The following LRRC49 variants were observed in gnomAD, a reference collection of about 807,000 sequenced individuals.
The protein encoded by LRRC49 is leucine-rich repeat-containing protein 49.
LRRC49 carries 50 observed loss-of-function variants against 83.3 expected under a neutral mutation model. The observed-to-expected ratio is 0.60, with a 90% CI of 0.48 to 0.76. The LOEUF is 0.76. Ranked by LOEUF, LRRC49 falls within the 30% of genes least tolerant of loss-of-function variation. The probability of loss-of-function intolerance (pLI) is 0.00; values close to 1 mark genes in which losing one functional copy is unlikely to be tolerated. For synonymous variants in LRRC49, 286 were observed against 283.3 expected, an observed-to-expected ratio of 1.01 and a Z score of -0.10; for missense variants, 704 against 809.1, an observed-to-expected ratio of 0.87 and a Z score of 1.58.
At chr15:70,884,666 A>G (rs1358085887) in intron 2 of LRRC49, among the ~76,000 whole-genome samples, 1 of 152,212 alleles carries the variant, frequency 6.6e-6, no homozygotes, top group Non-Finnish European at 1.5e-5. Context: ...CACTAGCTAT[A>G]TCTACTTCTA....
upstream of LRRC49, chr15:70,892,545 T>C (rs533551560): frequency 3.3e-6 from 5 of 1,507,926 alleles, no homozygotes; most frequent in Admixed American, 4.0e-5. Flanking sequence ...CGGGCAGCGC[T>C]GAGGTGGGCC....
At position 70,963,811 on chromosome 15, in the gene LRRC49, A is replaced by G; in HGVS notation, c.800A>G (p.Asp267Gly). Reference protein sequence around the residue: ...SSFDSVSCLADSSSLSDITFD... With the variant: ...SSFDSVSCLAGSSSLSDITFD... ...TTTGACAGTGTTTCCTGCCTTGCTGACTCTTCTTCCCTCTCGGACATCACC... is the reference window on the plus strand; with the variant it reads ...TTTGACAGTGTTTCCTGCCTTGCTGGCTCTTCTTCCCTCTCGGACATCACC... The change falls in exon 9 of 16, where the codon GAC (aspartate) becomes GGC (glycine). Residue 267 changes from aspartate (D) to glycine (G), a missense_variant. Around this residue, in one of 3 missense-constraint regions of LRRC49, gnomAD observed 261 missense variants for 330.5 expected, o/e 0.79. Transcript: ENST00000260382. The G allele has an allele frequency of 6.2e-7, 1 of 1,613,102 alleles. No homozygotes were observed. The highest frequency in any genetic ancestry group is 8.5e-7 in the Non-Finnish European group (1 of 1,179,464).
rs540517181 is a variant in LRRC49, at chr15:71,025,042, A to T, written c.1703+12129A>T. Among the ~76,000 whole-genome samples, 3 of 152,362 alleles carry T rather than the reference A, an allele frequency of 2.0e-5. No individual in the cohort carries two copies. The East Asian group carries it at 5.8e-4, about 29-fold the overall frequency. ...GAACAAAATCTCTGAGAACTATGGG[A>T]TTATGTAAAAAGACAAAACCTACAG... is the stretch of plus-strand genomic sequence containing the variant. On this transcript the variant is annotated intron_variant, in intron 14 of 15. Coordinates refer to ENST00000260382, the MANE Select transcript of LRRC49 (RefSeq NM_017691.5).
intron 15 of LRRC49, among the ~76,000 whole-genome samples, chr15:71,043,189 C>G (rs1214964695): frequency 6.6e-6 from 1 of 152,182 alleles, no homozygotes; most frequent in Non-Finnish European, 1.5e-5. Flanking sequence ...GCAGATCTCT[C>G]AATCTCTATA....
At chr15:70,881,540 T>C (rs1044259265) in intron 2 of LRRC49, 5 of 152,200 alleles carry the variant, frequency 3.3e-5, no homozygotes, top group African/African-American at 1.2e-4. Flanking sequence ...AGAGTTATAG[T>C]ATGCTTCTCA....
chr15:70,924,811 A>G (rs1490654696), intron 7 of LRRC49, among the ~76,000 whole-genome samples: 1 of 151,932 alleles, frequency 6.6e-6, no homozygotes, highest in Admixed American at 6.6e-5. Context: ...TTTTGCTTTT[A>G]TTCATGATTG....
At chr15:70,860,261 C>T (rs2032756893) in intron 1 of LRRC49, 1 of 589,382 alleles carries the variant, frequency 1.7e-6, no homozygotes, top group Non-Finnish European at 3.0e-6. Context: ...AGGAGACCCA[C>T]CTGAGGCTCA....
chr15:70,863,212 C>G (rs1441998298), intron 1 of LRRC49, among the ~76,000 whole-genome samples: 2 of 152,156 alleles, frequency 1.3e-5, no homozygotes, highest in Non-Finnish European at 2.9e-5. Context: ...ATGTATAGTC[C>G]TGCATCTTCA....
chr15:70,940,905 AATGGTTGAC>A (rs2035791301), intron 8 of LRRC49, among the ~76,000 whole-genome samples: 1 of 152,140 alleles, frequency 6.6e-6, no homozygotes, highest in Non-Finnish European at 1.5e-5. Context: ...GGGTTTACCA[AATGGTTGAC>A]ACGTGATTCG....
At chr15:70,928,289 A>T (rs1344139949) in intron 7 of LRRC49, among the ~76,000 whole-genome samples, 1 of 152,176 alleles carries the variant, frequency 6.6e-6, no homozygotes, top group Non-Finnish European at 1.5e-5. Context: ...TGTGTAACTT[A>T]CTTTTTATGT....
intron 11 of LRRC49, among the ~76,000 whole-genome samples, chr15:71,004,595 G>C (rs1039414767): frequency 2.0e-5 from 3 of 151,548 alleles, no homozygotes; most frequent in Admixed American, 6.6e-5. Context: ...GGTTGCAGTG[G>C]GCTGAGATTG....
chr15:70,898,396 T>G (rs1446577028), intron 3 of LRRC49: 1 of 701,756 alleles, frequency 1.4e-6, no homozygotes, highest in East Asian at 2.7e-5. Context: ...GAATGTAAAA[T>G]GAGGTCCATC....
intron 14 of LRRC49, among the ~76,000 whole-genome samples, chr15:71,034,187 C>G (rs752843003): frequency 6.6e-6 from 1 of 151,872 alleles, no homozygotes; most frequent in Non-Finnish European, 1.5e-5. Context: ...AACAAATTTA[C>G]AAGAAAAAAA....
At chr15:70,967,077 T>C (rs1174049915) in intron 9 of LRRC49, among the ~76,000 whole-genome samples, 1 of 151,996 alleles carries the variant, frequency 6.6e-6, no homozygotes. Context: ...TTAAGGGTGG[T>C]AAAGAAGAAG....
intron 14 of LRRC49, among the ~76,000 whole-genome samples, chr15:71,030,071 G>C (rs2039301804): frequency 6.6e-6 from 1 of 152,134 alleles, no homozygotes; most frequent in African/African-American, 2.4e-5. Flanking sequence ...CATGATACTA[G>C]CTGGTTATTT....
At chr15:70,896,029 T>G (rs2141100645) in intron 3 of LRRC49, 93 bp downstream of exon 3, 1 of 749,348 alleles carries the variant, frequency 1.3e-6, no homozygotes, top group African/African-American at 1.8e-5. Context: ...CAAATAAACT[T>G]GAATTTAAAA....
At chr15:70,984,626 T>A (rs1168123823) in intron 11 of LRRC49, 1 of 155,490 alleles carries the variant, frequency 6.4e-6, no homozygotes, top group Non-Finnish European at 1.4e-5. Flanking sequence ...TCTTTTTTAT[T>A]ATTATTACTA....
chr15:71,038,241 G>C (rs2039586317), intron 15 of LRRC49, among the ~76,000 whole-genome samples: 1 of 152,108 alleles, frequency 6.6e-6, no homozygotes, highest in Admixed American at 6.6e-5. Context: ...TAGATATATA[G>C]ATATAACATT....
chr15:71,000,943 C>T (rs1227611377), intron 11 of LRRC49, among the ~76,000 whole-genome samples: 1 of 152,072 alleles, frequency 6.6e-6, no homozygotes, highest in African/African-American at 2.4e-5. Context: ...GCTCTGTTTA[C>T]ACTCTCTGCT....
Sources: gnomAD v4.1 joint callset for allele counts (sites outside exome capture counted in the v4.1 genomes callset) on GRCh38, gnomAD v4.1.1 for gene constraint, gnomAD v4.1.1 regional missense constraint, MANE v1.5 for transcripts, NCBI Gene and HGNC (gene_info 2026-07-23, HGNC 2026-07-21) for gene names.